PTPRK: variants seen among roughly 807,000 people sequenced by gnomAD.
PTPRK encodes receptor-type tyrosine-protein phosphatase kappa.
A neutral mutation model predicts 178.0 loss-of-function variants in PTPRK; 75 were observed. The ratio of observed to expected loss-of-function variants is 0.42; its 90% CI spans 0.35 to 0.51. PTPRK has a LOEUF of 0.51. PTPRK is among the 20% of genes least tolerant of loss of function. The pLI, the probability that PTPRK is intolerant of heterozygous loss-of-function variation, is 0.02. For synonymous variants in PTPRK, 637 were observed against 620.6 expected (o/e 1.03, Z -0.39); for missense variants, 1,441 against 1,797.8 (o/e 0.80, Z 3.59).
At chr6:128,200,117 T>C (rs978722787) in intron 6 of PTPRK, among the ~76,000 whole-genome samples, 9 of 152,206 alleles carry the variant, frequency 5.9e-5, no homozygotes, top group Admixed American at 2.6e-4. Flanking sequence ...TTCATACATT[T>C]CCCAGAGCAT....
At position 128,298,138 on chromosome 6, in the gene PTPRK, G is replaced by A. The variant is rs547922720; in HGVS notation, c.495+23901C>T. Among the ~76,000 whole-genome samples the A allele has an allele frequency of 3.9e-5, 6 of 152,186 alleles. No homozygotes were observed. The South Asian group carries it at 6.2e-4, about 16-fold the overall frequency. On this transcript the variant is annotated intron_variant, in intron 3 of 29. Coordinates refer to ENST00000368226, the MANE Select transcript of PTPRK (RefSeq NM_002844.4). ...ATAAACTAGAAAATCTAGAAGAAAC[G>A]TATAAATTCCTTGACACACACTCTC...
At chr6:128,304,474 A>G (rs1046065577) in intron 3 of PTPRK, among the ~76,000 whole-genome samples, 2 of 152,218 alleles carry the variant, frequency 1.3e-5, no homozygotes, top group African/African-American at 4.8e-5. Flanking sequence ...TAAAATGCAT[A>G]AAACATTTAA....
rs9402020 is a variant in PTPRK, at chr6:128,142,501, A to G, written c.1162+41931T>C. 2.5e-4 allele frequency among the ~76,000 whole-genome samples: 32 copies of G among 129,476 alleles called. No individual in the cohort carries two copies. In the East Asian group the frequency reaches 2.7e-3, roughly 11 times the overall value. 84.9% of individuals were successfully genotyped at this position (129,476 alleles called of 152,430 possible). On this transcript the variant is annotated intron_variant, in intron 7 of 29. Transcript: ENST00000368226. ...GGAAGTTAAGAAAACAAATTCTCCCATGTGTGTGTGTGTGTGTAAAATATA... is the reference window on the plus strand; with the variant it reads ...GGAAGTTAAGAAAACAAATTCTCCCGTGTGTGTGTGTGTGTGTAAAATATA...
At chr6:128,172,249 C>T (rs1800373187) in intron 7 of PTPRK, among the ~76,000 whole-genome samples, 1 of 152,082 alleles carries the variant, frequency 6.6e-6, no homozygotes, top group African/African-American at 2.4e-5. Flanking sequence ...GGCAATTGTA[C>T]AGTCATCTTC....
chr6:128,221,023 T>G (rs1466175010), intron 5 of PTPRK, among the ~76,000 whole-genome samples: 1 of 152,186 alleles, frequency 6.6e-6, no homozygotes, highest in African/African-American at 2.4e-5. Flanking sequence ...TTCCACTGAT[T>G]AGTACTACAT....
chr6:128,269,520 TAA>T (rs113312853), intron 3 of PTPRK, among the ~76,000 whole-genome samples: 3 of 141,906 alleles, frequency 2.1e-5, no homozygotes, highest in African/African-American at 5.1e-5. Flanking sequence ...AAAATAAATT[TAA>T]AAAAAAAAAA....
At position 127,997,454 on chromosome 6, in the gene PTPRK, T is replaced by C. The variant is rs562125358; in HGVS notation, c.2680-466A>G. Among the ~76,000 whole-genome samples the C allele has an allele frequency of 2.6e-5, 4 of 152,232 alleles. No homozygotes were observed. The South Asian group carries it at 8.3e-4, about 32-fold the overall frequency. The stretch of plus-strand genomic sequence containing the variant: ...TGCAATACATCGCATCTGAGTTTCT[T>C]TGAAGATCATGAAAAAGAGTGAGTC... On this transcript the variant is annotated intron_variant, in intron 16 of 29. Coordinates refer to ENST00000368226, the MANE Select transcript of PTPRK (RefSeq NM_002844.4).
At position 128,371,279 on chromosome 6, in the gene PTPRK, A is replaced by G. The variant is rs114351583; in HGVS notation, c.223+26287T>C. Reference sequence around the variant, plus strand: ...ATCTGTACCATAATGTGAAGTTAGTATAAAACAAACGGCTACTTCAATATC... The same window carrying G: ...ATCTGTACCATAATGTGAAGTTAGTGTAAAACAAACGGCTACTTCAATATC... On this transcript the variant is annotated intron_variant, in intron 2 of 29. Coordinates refer to ENST00000368226, the MANE Select transcript of PTPRK (RefSeq NM_002844.4). Among the ~76,000 whole-genome samples, 783 of 152,352 alleles carry G rather than the reference A, an allele frequency of 5.1e-3. 5 individuals carry two copies. The highest frequency in any genetic ancestry group is 0.018 in the African/African-American group (736 of 41,596).
At chr6:128,242,168 T>C (rs990860172) in intron 4 of PTPRK, among the ~76,000 whole-genome samples, 8 of 152,128 alleles carry the variant, frequency 5.3e-5, no homozygotes, top group Non-Finnish European at 1.2e-4. Context: ...TATATTTTCC[T>C]TTCTGTTGAA....
At chr6:128,247,509 G>C (rs1048785076) in intron 3 of PTPRK, among the ~76,000 whole-genome samples, 1 of 151,810 alleles carries the variant, frequency 6.6e-6, no homozygotes, top group African/African-American at 2.4e-5. Flanking sequence ...TGTAGAGACG[G>C]GGTTTTAACA....
intron 13 of PTPRK, among the ~76,000 whole-genome samples, chr6:128,019,057 A>G (rs1773044445): frequency 6.6e-6 from 1 of 152,190 alleles, no homozygotes; most frequent in South Asian, 2.1e-4. Context: ...GAAGAGGCAC[A>G]GATAGGGCTC....
intron 13 of PTPRK, among the ~76,000 whole-genome samples, chr6:128,014,277 C>T (rs1466303226): frequency 6.6e-6 from 1 of 151,588 alleles, no homozygotes; most frequent in Non-Finnish European, 1.5e-5. Flanking sequence ...ATAGAGCTAA[C>T]CATTTCCACC....
chr6:128,276,731 A>C (rs902435241), intron 3 of PTPRK, among the ~76,000 whole-genome samples: 4 of 150,754 alleles, frequency 2.7e-5, no homozygotes, highest in African/African-American at 7.5e-5. Context: ...GAAGAAACAT[A>C]GAAGGAGTTG....
At chr6:127,989,347 T>TA (rs1226621403) in intron 21 of PTPRK, among the ~76,000 whole-genome samples, 1 of 151,738 alleles carries the variant, frequency 6.6e-6, no homozygotes, top group Non-Finnish European at 1.5e-5. Flanking sequence ...ATTTTACAGT[T>TA]ACAATAATCA....
chr6:128,273,837 A>T (rs1361661015), intron 3 of PTPRK, among the ~76,000 whole-genome samples: 1 of 152,168 alleles, frequency 6.6e-6, no homozygotes, highest in East Asian at 1.9e-4. Context: ...AATAGTATGA[A>T]TTTTACATGC....
chr6:128,099,614 C>G (rs1788461083), intron 7 of PTPRK, among the ~76,000 whole-genome samples: 1 of 151,954 alleles, frequency 6.6e-6, no homozygotes, highest in African/African-American at 2.4e-5. Context: ...ATAATAGAAA[C>G]AGGATATAAT....
intron 1 of PTPRK, among the ~76,000 whole-genome samples, chr6:128,498,238 C>T (rs1855022147): frequency 6.6e-6 from 1 of 152,178 alleles, no homozygotes; most frequent in Admixed American, 6.5e-5. Flanking sequence ...AAACAGAACC[C>T]TTCTCAACCT....
chr6:128,360,215 G>T (rs1158894783), intron 2 of PTPRK, among the ~76,000 whole-genome samples: 1 of 152,116 alleles, frequency 6.6e-6, no homozygotes, highest in Non-Finnish European at 1.5e-5. Context: ...CAAAGTTTAA[G>T]AAATTTTAAC....
At position 128,301,411 on chromosome 6, in the gene PTPRK, T is replaced by A. The variant is rs80218940; in HGVS notation, c.495+20628A>T. 5.9e-3 allele frequency among the ~76,000 whole-genome samples: 903 copies of A among 152,234 alleles called. 11 individuals carry two copies. Among genetic ancestry groups the A allele is most frequent in the African/African-American group, 0.021 (864 of 41,574 alleles). ...TAGGTAAAAGTATGTATCACATTGGTGTGTTGGTAAATTTTGCATTGTACT... is the reference window on the plus strand; with the variant it reads ...TAGGTAAAAGTATGTATCACATTGGAGTGTTGGTAAATTTTGCATTGTACT... On this transcript the variant is annotated intron_variant, in intron 3 of 29. Transcript: ENST00000368226.
Sources: gnomAD v4.1 joint callset for allele counts (sites outside exome capture counted in the v4.1 genomes callset) on GRCh38, gnomAD v4.1.1 for gene constraint, MANE v1.5 for transcripts, NCBI Gene and HGNC (gene_info 2026-07-23, HGNC 2026-07-21) for gene names.